DIXDC1: variants seen among roughly 807,000 people sequenced by gnomAD.
DIXDC1 encodes the protein dixin.
In DIXDC1, 64 loss-of-function variants were observed where a neutral mutation model predicts 103.1. That is an observed-to-expected ratio of 0.62 (90% confidence interval 0.51 to 0.76). The LOEUF is 0.76. DIXDC1 is among the 30% of genes least tolerant of loss of function. The pLI is 0.00. For missense variants in DIXDC1, 759 were observed against 834.2 expected, an observed-to-expected ratio of 0.91 and a Z score of 1.11; for synonymous variants, 266 against 298.5, an observed-to-expected ratio of 0.89 and a Z score of 1.12.
chr11:111,975,987 T>C, intron 5 of DIXDC1: 1 of 849,882 alleles, frequency 1.2e-6, no homozygotes, highest in Non-Finnish European at 1.4e-6. Flanking sequence ...TTAAACATTA[T>C]AAAGTGTACA....
rs141303628 is a variant in DIXDC1 at position 112,011,737 on chromosome 11, G to A, written c.1757-4954G>A. 9.0e-3 allele frequency among the ~76,000 whole-genome samples: 1,366 copies of A among 152,126 alleles called. 16 individuals are homozygous for A. The highest frequency in any genetic ancestry group is 0.03 in the African/African-American group (1,258 of 41,476). ...CAAACACCGCATGTCCTCACTCATAGGTGGGAATTGAACAATGAGAACACA... is the reference window on the plus strand; with the variant it reads ...CAAACACCGCATGTCCTCACTCATAAGTGGGAATTGAACAATGAGAACACA... On this transcript the variant is annotated intron_variant, in intron 17 of 19. Coordinates refer to ENST00000440460, the MANE Select transcript of DIXDC1 (RefSeq NM_001037954.4).
intron 1 of DIXDC1, among the ~76,000 whole-genome samples, chr11:111,954,147 A>G (rs1210399477): frequency 6.6e-6 from 1 of 152,052 alleles, no homozygotes; most frequent in Non-Finnish European, 1.5e-5. Context: ...TAATTATACA[A>G]CTTACCATAA....
chr11:111,937,577 C>T lies in DIXDC1; in HGVS notation c.60+18C>T. On this transcript the variant is annotated intron_variant, in intron 1 of 19. Transcript: ENST00000440460. ...TCAATGAGGTAACTGTCCTGCTCCT[C>T]CCACTCCTCAGCTCCCCTCCCCCAG... 1.3e-6 allele frequency: 2 copies of T among 1,577,020 alleles called. No homozygotes were observed. Among genetic ancestry groups the T allele is most frequent in the Non-Finnish European group, 8.6e-7 (1 of 1,161,124 alleles).
chr11:111,953,010 A>C (rs911782457), intron 1 of DIXDC1, among the ~76,000 whole-genome samples: 1 of 152,078 alleles, frequency 6.6e-6, no homozygotes, highest in Non-Finnish European at 1.5e-5. Flanking sequence ...ACAAAGAAAA[A>C]ACAAATGGGG....
intron 17 of DIXDC1, among the ~76,000 whole-genome samples, chr11:112,008,435 C>T (rs1314083472): frequency 1.3e-5 from 2 of 152,184 alleles, no homozygotes; most frequent in Non-Finnish European, 2.9e-5. Flanking sequence ...ATGACTTGAA[C>T]TCAGCTCTGC....
intron 1 of DIXDC1, among the ~76,000 whole-genome samples, chr11:111,928,891 C>T (rs1566438401): frequency 6.6e-6 from 1 of 152,026 alleles, no homozygotes; most frequent in Admixed American, 6.6e-5. Context: ...AAATTTCTGT[C>T]TTTGGATTAT....
At chr11:111,969,977 TC>T (rs1859861409) in intron 3 of DIXDC1, among the ~76,000 whole-genome samples, 1 of 152,172 alleles carries the variant, frequency 6.6e-6, no homozygotes, top group East Asian at 1.9e-4. Flanking sequence ...CCCAAAAGCC[TC>T]TGTCAAAAGG....
intron 1 of DIXDC1, chr11:111,929,725 G>A (rs1965952060): frequency 3.0e-5 from 21 of 703,800 alleles, no homozygotes; most frequent in Non-Finnish European, 4.8e-5. Context: ...GTAGGTTTTG[G>A]GGAGGGGTCT....
At chr11:111,944,317 TAG>T (rs1336847405) in intron 1 of DIXDC1, among the ~76,000 whole-genome samples, 1 of 152,196 alleles carries the variant, frequency 6.6e-6, no homozygotes, top group Non-Finnish European at 1.5e-5. Context: ...CAGGAAAACA[TAG>T]AGTCGCCTCC....
chr11:111,938,226 G>A (rs1271425911), intron 1 of DIXDC1, among the ~76,000 whole-genome samples: 1 of 152,118 alleles, frequency 6.6e-6, no homozygotes, highest in Admixed American at 6.5e-5. Context: ...GGCCGACAAG[G>A]GGTCATTTCC....
intron 17 of DIXDC1, among the ~76,000 whole-genome samples, chr11:112,007,571 C>T (rs587771567): frequency 1.3e-5 from 2 of 152,292 alleles, no homozygotes; most frequent in Non-Finnish European, 2.9e-5. Flanking sequence ...GGTCAGGTTA[C>T]CCACAAAGGG....
chr11:111,942,708 A>G (rs587620729), intron 1 of DIXDC1, among the ~76,000 whole-genome samples: 1 of 152,326 alleles, frequency 6.6e-6, no homozygotes, highest in African/African-American at 2.4e-5. Flanking sequence ...TTAGGAGATG[A>G]TATCTTTCAG....
At chr11:111,961,160 C>T (rs782611431) in intron 1 of DIXDC1, among the ~76,000 whole-genome samples, 1 of 152,200 alleles carries the variant, frequency 6.6e-6, no homozygotes, top group Admixed American at 6.5e-5. Context: ...GCCGATGCTA[C>T]TGATCTGGGA....
chr11:111,974,957 G>A lies in DIXDC1; in HGVS notation c.630G>A (p.Arg210=). 6.2e-7 allele frequency: 1 copy of A among 1,613,024 alleles called. No individual in the cohort carries two copies. Among genetic ancestry groups the A allele is most frequent in the East Asian group, 2.2e-5 (1 of 44,874 alleles). Residue 210 remains arginine (R), a synonymous_variant, in exon 5 of 20, where the codon AGG becomes AGA. Transcript: ENST00000440460. ...TGCAGCAGTACGAAGGGCAACAAAG[G>A]TCCCCGTCTGAATCCAGCTGCTCCA... ...ALVQQYEGQQ[R]SPSESSCSSL...
At chr11:111,994,391 CA>C (rs1188890272) in intron 14 of DIXDC1, among the ~76,000 whole-genome samples, 6 of 150,418 alleles carry the variant, frequency 4.0e-5, no homozygotes, top group Middle Eastern at 3.4e-3. Context: ...CAAAACAAAA[CA>C]AAACATACAT....
intron 10 of DIXDC1, 130 bp from the exon 11 acceptor site, chr11:111,992,285 C>T (rs1328160232): frequency 1.2e-6 from 1 of 803,922 alleles, no homozygotes; most frequent in Non-Finnish European, 1.9e-6. Flanking sequence ...TGGCAAGACC[C>T]TTTACCCCAT....
intron 17 of DIXDC1, among the ~76,000 whole-genome samples, chr11:112,002,811 A>T (rs1339258417): frequency 3.3e-5 from 5 of 152,190 alleles, no homozygotes; most frequent in Non-Finnish European, 7.3e-5. Flanking sequence ...ACAAAAACAC[A>T]ATAGCCAAGA....
intron 9 of DIXDC1, among the ~76,000 whole-genome samples, 187 bp downstream of exon 9, chr11:111,987,111 G>A (rs1555173971): frequency 6.6e-6 from 1 of 152,034 alleles, no homozygotes; most frequent in East Asian, 1.9e-4. Context: ...TTAGCTGGAT[G>A]TGCTGGCACA....
At chr11:112,000,557 C>T (rs971975264) in intron 17 of DIXDC1, among the ~76,000 whole-genome samples, 24 of 151,588 alleles carry the variant, frequency 1.6e-4, no homozygotes, top group Admixed American at 1.3e-3. Context: ...ATTAGCTGGG[C>T]GTGGTGGTAC....
Sources: allele counts gnomAD v4.1 joint callset (sites outside exome capture counted in the v4.1 genomes callset), GRCh38; gene constraint gnomAD v4.1.1; transcripts MANE v1.5; gene names NCBI Gene and HGNC (gene_info 2026-07-23, HGNC 2026-07-21).